The following RANGAP1 variants were observed in gnomAD, a reference collection of about 807,000 sequenced individuals.
RANGAP1 encodes Ran GTPase activating protein 1.
Under a neutral mutation model 63.5 loss-of-function variants are expected in RANGAP1, and 38 were observed. That is an observed-to-expected ratio of 0.60 (90% CI 0.46 to 0.78). The LOEUF (loss-of-function observed/expected upper bound fraction) is 0.78. Among genes scored for constraint, RANGAP1 ranks in the 30% least tolerant of loss-of-function variants. RANGAP1 has a pLI of 0.00. For missense variants in RANGAP1, 630 were observed against 740.3 expected, an observed-to-expected ratio of 0.85 and a Z score of 1.73; for synonymous variants, 329 against 310.5, an observed-to-expected ratio of 1.06 and a Z score of -0.63.
chr22:41,257,808 G>T lies in RANGAP1; in HGVS notation c.774+140C>A. The T allele has an allele frequency of 5.6e-6, 6 of 1,063,196 alleles. No homozygotes were observed. The highest frequency in any genetic ancestry group is 7.8e-6 in the Non-Finnish European group (6 of 765,998). 65.9% of individuals were successfully genotyped at this position (1,063,196 alleles called of 1,614,324 possible). ...ACCCTGTTCAGGACATGTTCAAAGAGCTGGAGCCATGGGGCACACACCCAG... is the reference window on the plus strand; with the variant it reads ...ACCCTGTTCAGGACATGTTCAAAGATCTGGAGCCATGGGGCACACACCCAG... On this transcript the variant is annotated intron_variant, in intron 7 of 15. Coordinates refer to ENST00000356244, the MANE Select transcript of RANGAP1 (RefSeq NM_002883.4). This position sits in a 1 kb window ranked among gnomAD's most constrained non-coding sequence, Gnocchi z 4.0.
At chr22:41,266,009 T>C (rs574664597) in intron 4 of RANGAP1, among the ~76,000 whole-genome samples, 8 of 152,060 alleles carry the variant, frequency 5.3e-5, no homozygotes, top group Admixed American at 3.3e-4. Flanking sequence ...GAGACCATCC[T>C]GGCTAACACA....
chr22:41,246,519 G>C lies in RANGAP1; in HGVS notation c.*84C>G. ...GCCTGTGGCCAGAGTCCTGTCCAAG[G>C]CAATGGCGTAGGCTGCGCCTCAGTT... On this transcript the variant is annotated 3_prime_UTR_variant, in exon 16 of 16. Coordinates refer to ENST00000356244, the MANE Select transcript of RANGAP1 (RefSeq NM_002883.4). 1 of 1,409,752 alleles carries C rather than the reference G, an allele frequency of 7.1e-7. No homozygotes were observed. The highest frequency in any genetic ancestry group is 9.8e-7 in the Non-Finnish European group (1 of 1,023,086). 87.3% of individuals were successfully genotyped at this position (1,409,752 alleles called of 1,614,324 possible). A position where few individuals can be genotyped will look rare whatever the true frequency, so the allele number is the denominator to read the frequency against.
At chr22:41,247,260 T>C (rs541675667) in intron 15 of RANGAP1, among the ~76,000 whole-genome samples, 1 of 152,124 alleles carries the variant, frequency 6.6e-6, no homozygotes, top group Admixed American at 6.5e-5. Context: ...TTTCACCATG[T>C]TAGCCAGGAT....
intron 1 of RANGAP1, among the ~76,000 whole-genome samples, chr22:41,283,635 C>T (rs2035611445): frequency 6.6e-6 from 1 of 152,112 alleles, no homozygotes; most frequent in South Asian, 2.1e-4. Flanking sequence ...GAACATGATT[C>T]CTGCAAAGGG....
At chr22:41,284,716 A>C (rs1181936632) in intron 1 of RANGAP1, among the ~76,000 whole-genome samples, 1 of 152,168 alleles carries the variant, frequency 6.6e-6, no homozygotes, top group Non-Finnish European at 1.5e-5. Flanking sequence ...CACTAAAAAT[A>C]CAAAAACTAG....
chr22:41,286,633 A>G (rs2035760371), upstream of RANGAP1, among the ~76,000 whole-genome samples: 1 of 152,252 alleles, frequency 6.6e-6, no homozygotes, highest in Non-Finnish European at 1.5e-5. Context: ...TTTCCGTCCC[A>G]TGAAACTGAA....
At chr22:41,291,620 C>T in the RANGAP1 span, among the ~76,000 whole-genome samples, 32 of 118,294 alleles carry the variant, frequency 2.7e-4, no homozygotes, top group Non-Finnish European at 4.2e-4. Context: ...AAAAATAGGC[C>T]GGGCGCAGTG....
chr22:41,277,810 C>T (rs917524895), intron 2 of RANGAP1, among the ~76,000 whole-genome samples: 1 of 152,194 alleles, frequency 6.6e-6, no homozygotes, highest in Non-Finnish European at 1.5e-5. Flanking sequence ...TGAGACCTCT[C>T]CCTGCCTTAC....
Position 41,257,845 on chromosome 22 carries a change from G to A in RANGAP1, c.774+103C>T, listed in dbSNP as rs945347149. The A allele has an allele frequency of 1.6e-5, 21 of 1,353,870 alleles. No individual in the cohort carries two copies. Among genetic ancestry groups the A allele is most frequent in the South Asian group, 2.9e-5 (2 of 68,344 alleles). 83.9% of individuals were successfully genotyped at this position (1,353,870 alleles called of 1,614,324 possible). On this transcript the variant is annotated intron_variant, in intron 7 of 15. Coordinates refer to ENST00000356244, the MANE Select transcript of RANGAP1 (RefSeq NM_002883.4). This position sits in a 1 kb window ranked among gnomAD's most constrained non-coding sequence, Gnocchi z 4.0. ...GGGCACACACCCAGGGGGCAGGCAG[G>A]GGGTAGAGGAGTCCCTGCTAAACGG...
At chr22:41,296,695 A>G in the RANGAP1 span, among the ~76,000 whole-genome samples, 44 of 152,252 alleles carry the variant, frequency 2.9e-4, no homozygotes, top group East Asian at 7.9e-3. Context: ...TATGCATATA[A>G]TAACTCAGTC....
the RANGAP1 span, among the ~76,000 whole-genome samples, chr22:41,298,653 C>T: frequency 6.6e-6 from 1 of 152,002 alleles, no homozygotes. Flanking sequence ...GCATTAGCCA[C>T]CACGCCCGGC....
chr22:41,272,477 A>G (rs1417077336), intron 3 of RANGAP1, among the ~76,000 whole-genome samples: 1 of 151,476 alleles, frequency 6.6e-6, no homozygotes, highest in Non-Finnish European at 1.5e-5. Flanking sequence ...CAGAGAGAAC[A>G]CTGATCTCAG....
intron 2 of RANGAP1, among the ~76,000 whole-genome samples, chr22:41,278,187 C>T (rs574364611): frequency 1.2e-4 from 19 of 152,008 alleles, no homozygotes; most frequent in Non-Finnish European, 2.2e-4. Context: ...TACAGGTGTC[C>T]ACCACCACGC....
chr22:41,269,667 G>A (rs907568961), intron 3 of RANGAP1, among the ~76,000 whole-genome samples: 2 of 151,470 alleles, frequency 1.3e-5, no homozygotes, highest in African/African-American at 2.4e-5. Flanking sequence ...GCTGAAAACC[G>A]GGAGGCAGAG....
At chr22:41,261,652 G>A in intron 5 of RANGAP1, 72 bp from the exon 6 acceptor site, 1 of 1,593,614 alleles carries the variant, frequency 6.3e-7, no homozygotes. Flanking sequence ...CACTGCTGCT[G>A]AACTGCTCTT....
At chr22:41,254,713 C>T in intron 10 of RANGAP1, 2 of 912,564 alleles carry the variant, frequency 2.2e-6, no homozygotes, top group Non-Finnish European at 2.6e-6. Flanking sequence ...TGGCTCATGC[C>T]TGTAATCCCA....
chr22:41,294,010 A>C, the RANGAP1 span, among the ~76,000 whole-genome samples: 2 of 148,982 alleles, frequency 1.3e-5, no homozygotes, highest in Admixed American at 1.4e-4. Context: ...TCCTGCAGTT[A>C]GAAAAATCTA....
intron 3 of RANGAP1, 98 bp downstream of exon 3, chr22:41,274,502 C>G: frequency 1.3e-6 from 2 of 1,535,808 alleles, no homozygotes; most frequent in Admixed American, 1.9e-5. Flanking sequence ...GCCACACAGG[C>G]AGGGGCCTGG....
At chr22:41,273,330 T>G (rs1289600620) in intron 3 of RANGAP1, among the ~76,000 whole-genome samples, 1 of 152,162 alleles carries the variant, frequency 6.6e-6, no homozygotes, top group Non-Finnish European at 1.5e-5. Flanking sequence ...CTCCCAACGC[T>G]TTGAACATGA....
Sources: gnomAD v4.1 joint callset for allele counts (sites outside exome capture counted in the v4.1 genomes callset) on GRCh38, gnomAD v4.1.1 for gene constraint, Gnocchi (gnomAD v3.1) non-coding constraint, MANE v1.5 for transcripts, NCBI Gene and HGNC (gene_info 2026-07-23, HGNC 2026-07-21) for gene names.